The following TRANK1 variants were observed in gnomAD, a reference collection of about 807,000 sequenced individuals.
TRANK1 encodes the protein TPR and ankyrin repeat-containing protein 1.
TRANK1 carries 198 observed loss-of-function variants against 266.0 expected under a neutral mutation model. The ratio of observed to expected loss-of-function variants is 0.74; its 90% CI spans 0.66 to 0.84. The LOEUF (loss-of-function observed/expected upper bound fraction) is 0.84, where lower values mean the gene tolerates loss of function less well. Ranked by LOEUF, TRANK1 falls within the 40% of genes least tolerant of loss-of-function variation. The probability of loss-of-function intolerance (pLI) is 0.00; values close to 1 mark genes in which losing one functional copy is unlikely to be tolerated. For missense variants in TRANK1, 3,326 were observed against 3,634.6 expected, an observed-to-expected ratio of 0.92 and a Z score of 2.18; for synonymous variants, 1,396 against 1,384.1, an observed-to-expected ratio of 1.01 and a Z score of -0.19.
At chr3:36,879,733 T>TTTATATAC (rs2079461202) in intron 8 of TRANK1, among the ~76,000 whole-genome samples, 1 of 105,768 alleles carries the variant, frequency 9.5e-6, no homozygotes, top group Admixed American at 1.1e-4. Context: ...TAAATATATA[T>TTTATATAC]AAATATACAA....
At chr3:36,944,291 T>C (rs1328805968) in intron 1 of TRANK1, among the ~76,000 whole-genome samples, 1 of 152,294 alleles carries the variant, frequency 6.6e-6, no homozygotes, top group East Asian at 1.9e-4. Context: ...GAAGGCCTCC[T>C]ACTGCCGGGA....
At chr3:36,892,812 G>GGCGA (rs1379595837) in intron 6 of TRANK1, 89 bp downstream of exon 6, 5 of 462,202 alleles carry the variant, frequency 1.1e-5, no homozygotes, top group Non-Finnish European at 1.5e-5. Context: ...TGGGCGAAAG[G>GGCGA]GCGAGACTCA....
At position 36,857,930 on chromosome 3, in the gene TRANK1, G is replaced by T; in HGVS notation, c.1792C>A (p.Leu598Ile). ...CGCTTTAGCATGCCCTTCTGGAAGA[G>T]GATGTGCATCAGCGTGTTCCCATTG... ...DSNGNTLMHILFQKGMLKRVK... is the reference protein window; with the variant it reads ...DSNGNTLMHIIFQKGMLKRVK... Residue 598 changes from leucine (L) to isoleucine (I), a missense_variant, in exon 13 of 24, where the codon CTC becomes ATC. Physicochemically the swap from Leu to Ile is conservative, Grantham distance 5 (BLOSUM62 2). Coordinates refer to ENST00000645898, the MANE Select transcript of TRANK1 (RefSeq NM_001329998.2). The surrounding 1 kb of genome is among the most constrained non-coding windows in gnomAD (Gnocchi z 4.3). The T allele has an allele frequency of 3.7e-6, 6 of 1,605,668 alleles. No individual in the cohort carries two copies. The highest frequency in any genetic ancestry group is 5.1e-6 in the Non-Finnish European group (6 of 1,179,860).
chr3:36,884,424 A>G (rs2079572916), intron 8 of TRANK1, among the ~76,000 whole-genome samples: 1 of 152,180 alleles, frequency 6.6e-6, no homozygotes, highest in Non-Finnish European at 1.5e-5. Context: ...TGGTGTCTGA[A>G]AGTAAGGAAG....
At chr3:36,940,163 G>A (rs980687711) in intron 1 of TRANK1, among the ~76,000 whole-genome samples, 1 of 151,620 alleles carries the variant, frequency 6.6e-6, no homozygotes, top group Non-Finnish European at 1.5e-5. Flanking sequence ...GGGATTACAG[G>A]CATGACCCAC....
At position 36,838,397 on chromosome 3, in the gene TRANK1, G is replaced by T. The variant is rs1269989516; in HGVS notation, c.5492C>A (p.Ala1831Asp). 1 of 1,613,902 alleles carries T rather than the reference G, an allele frequency of 6.2e-7. No individual in the cohort carries two copies. The highest frequency in any genetic ancestry group is 2.2e-5 in the East Asian group (1 of 44,890). Residue 1831 changes from alanine (A) to aspartate (D), a missense_variant, in exon 20 of 24, where the codon GCC becomes GAC. Physicochemically the swap from Ala to Asp is moderately radical, Grantham distance 126 (BLOSUM62 -2). Transcript: ENST00000645898. ...LSYAKEFQLS[A>D]QLCERLGKIR... ...CTTTCCCAGCCTCTCGCACAGCTGG[G>T]CAGAGAGCTGGAACTCCTTGGCATA...
intron 8 of TRANK1, among the ~76,000 whole-genome samples, chr3:36,888,265 A>G (rs2079636142): frequency 6.6e-6 from 1 of 152,200 alleles, no homozygotes; most frequent in African/African-American, 2.4e-5. Context: ...CTATGATTCC[A>G]GTTACATGAA....
At chr3:36,864,645 C>A (rs2079188872) in intron 9 of TRANK1, among the ~76,000 whole-genome samples, 165 bp from the exon 10 acceptor site, 1 of 152,222 alleles carries the variant, frequency 6.6e-6, no homozygotes, top group African/African-American at 2.4e-5. Context: ...CCACCCTCCC[C>A]TGATTCTGGA....
chr3:36,872,375 C>G (rs2079321828), intron 9 of TRANK1, among the ~76,000 whole-genome samples: 1 of 152,036 alleles, frequency 6.6e-6, no homozygotes, highest in African/African-American at 2.4e-5. Context: ...GCACCCCAGT[C>G]TGGGCAACAG....
intron 8 of TRANK1, among the ~76,000 whole-genome samples, chr3:36,886,297 G>A: frequency 6.6e-6 from 1 of 151,384 alleles, no homozygotes; most frequent in East Asian, 2.0e-4. Context: ...ACCACTCCCA[G>A]TTAATTTTGC....
intron 1 of TRANK1, among the ~76,000 whole-genome samples, chr3:36,929,883 A>ATTGTTGTTGTTGTTGTTGTTG (rs201004320): frequency 3.4e-5 from 5 of 148,940 alleles, no homozygotes; most frequent in African/African-American, 9.9e-5. Flanking sequence ...GATGCAGCAG[A>ATTGTTGTTGTTGTTGTTGTTG]TTGTTGTTGT....
intron 11 of TRANK1, among the ~76,000 whole-genome samples, chr3:36,859,957 A>G (rs1256003618): frequency 6.6e-6 from 1 of 152,200 alleles, no homozygotes; most frequent in African/African-American, 2.4e-5. Context: ...CTAAGGATCA[A>G]TGTGCTATTG....
At chr3:36,877,212 C>G (rs561898038) in intron 8 of TRANK1, among the ~76,000 whole-genome samples, 59 of 152,276 alleles carry the variant, frequency 3.9e-4, no homozygotes, top group African/African-American at 1.3e-3. Flanking sequence ...CAAATGCATA[C>G]CAATAAGCTA....
intron 1 of TRANK1, among the ~76,000 whole-genome samples, chr3:36,930,144 G>A (rs1449376920): frequency 6.6e-6 from 1 of 152,182 alleles, no homozygotes; most frequent in Non-Finnish European, 1.5e-5. Flanking sequence ...AAAGTGCTGG[G>A]ATTATAGGCA....
rs531418414 is a variant in TRANK1, at chr3:36,909,867, TTA to T, written c.24-1415_24-1414del. The stretch of plus-strand genomic sequence containing the variant: ...TGCTTTTCATGTAGTAATCTCTAAA[TTA>T]TATGACTACTATTTACACAGAGATG... On this transcript the variant is annotated intron_variant, in intron 1 of 23. Coordinates refer to ENST00000645898, the MANE Select transcript of TRANK1 (RefSeq NM_001329998.2). Among the ~76,000 whole-genome samples, 52 of 152,336 alleles carry T rather than the reference TTA, an allele frequency of 3.4e-4. 1 individual carries two copies. Among genetic ancestry groups the T allele is most frequent in the African/African-American group, 1.2e-3 (48 of 41,578 alleles).
chr3:36,830,935 TC>T lies in TRANK1; in HGVS notation c.8647del (p.Glu2883SerfsTer26), dbSNP rs759157644. 10 of 1,613,972 alleles carry T rather than the reference TC, an allele frequency of 6.2e-6. No homozygotes were observed. The highest frequency in any genetic ancestry group is 8.5e-6 in the Non-Finnish European group (10 of 1,179,868). On this transcript the variant is annotated frameshift_variant, in exon 22 of 24. Transcript: ENST00000645898. LOFTEE classifies it high-confidence loss of function. The stretch of plus-strand genomic sequence containing the variant: ...CATATCCGAAACCCTCTTGATGTGC[TC>T]CTGGACCTTCTGCAGCATGTGGCTG... ...EHSHMLQKVQ[E>X]HIKRVSDMVE...
chr3:36,926,089 AT>A (rs1386919028), intron 1 of TRANK1, among the ~76,000 whole-genome samples: 4 of 152,256 alleles, frequency 2.6e-5, no homozygotes, highest in African/African-American at 9.6e-5. Flanking sequence ...GTAATGACAT[AT>A]ACCCCCACAC....
intron 10 of TRANK1, 79 bp from the exon 11 acceptor site, chr3:36,861,239 C>T: frequency 1.4e-6 from 2 of 1,450,398 alleles, no homozygotes; most frequent in Non-Finnish European, 9.1e-7. Context: ...ACCCAACATC[C>T]ATATATAATT....
At chr3:36,899,517 G>A (rs879523396) in intron 3 of TRANK1, among the ~76,000 whole-genome samples, 2 of 152,136 alleles carry the variant, frequency 1.3e-5, no homozygotes, top group Non-Finnish European at 2.9e-5. Context: ...AATTAGCTGG[G>A]TATAGTGGCA....
Sources: allele counts gnomAD v4.1 joint callset (sites outside exome capture counted in the v4.1 genomes callset), GRCh38; gene constraint gnomAD v4.1.1; non-coding constraint Gnocchi (gnomAD v3.1); transcripts MANE v1.5; gene names NCBI Gene and HGNC (gene_info 2026-07-23, HGNC 2026-07-21).